The following SLC35F3 variants were observed in gnomAD, a reference collection of about 807,000 sequenced individuals.
SLC35F3 encodes putative thiamine transporter SLC35F3.
Under a neutral mutation model 49.9 loss-of-function variants are expected in SLC35F3, and 25 were observed. The ratio of observed to expected loss-of-function variants is 0.50; its 90% CI spans 0.37 to 0.70. The LOEUF is 0.70. Ranked by LOEUF, SLC35F3 falls within the 30% of genes least tolerant of loss-of-function variation. The pLI, the probability that SLC35F3 is intolerant of heterozygous loss-of-function variation, is 0.00. For synonymous variants in SLC35F3, 275 were observed against 265.4 expected (o/e 1.04, Z -0.35); for missense variants, 525 against 639.8 (o/e 0.82, Z 1.94).
chr1:234,009,919 A>T (rs1326416639), intron 2 of SLC35F3, among the ~76,000 whole-genome samples: 1 of 152,234 alleles, frequency 6.6e-6, no homozygotes, highest in Admixed American at 6.5e-5. Context: ...TCCCCAGACA[A>T]ACAAAAGCCA....
intron 2 of SLC35F3, among the ~76,000 whole-genome samples, chr1:234,066,828 TCC>T (rs1491536120): frequency 1.1e-3 from 113 of 99,154 alleles, no homozygotes; most frequent in African/African-American, 4.9e-3. Context: ...TCCCTCTCTC[TCC>T]CACACACACA....
At chr1:234,111,261 C>G (rs181179181) in intron 2 of SLC35F3, among the ~76,000 whole-genome samples, 46 of 152,056 alleles carry the variant, frequency 3.0e-4, no homozygotes, top group African/African-American at 1.1e-3. Context: ...ACTTGTTTGA[C>G]TTTGCTGGTG....
At chr1:234,045,273 C>T (rs1664272779) in intron 2 of SLC35F3, among the ~76,000 whole-genome samples, 1 of 152,112 alleles carries the variant, frequency 6.6e-6, no homozygotes, top group Non-Finnish European at 1.5e-5. Flanking sequence ...GAAGTTTTCA[C>T]AAATAGAATC....
chr1:233,923,489 A>G (rs1662102556), intron 2 of SLC35F3, among the ~76,000 whole-genome samples: 1 of 152,160 alleles, frequency 6.6e-6, no homozygotes, highest in East Asian at 1.9e-4. Flanking sequence ...ATTTTTGCAC[A>G]TTGATTTTGT....
chr1:234,307,356 C>A (rs1657224834), intron 3 of SLC35F3, among the ~76,000 whole-genome samples: 1 of 152,168 alleles, frequency 6.6e-6, no homozygotes, highest in Non-Finnish European at 1.5e-5. Context: ...CCAAACTGCA[C>A]CAGACTCCAC....
intron 2 of SLC35F3, among the ~76,000 whole-genome samples, chr1:233,986,128 G>C (rs1275255324): frequency 6.6e-6 from 1 of 152,154 alleles, no homozygotes; most frequent in African/African-American, 2.4e-5. Context: ...AAATCATGTA[G>C]AGTGCTTCAA....
At chr1:234,260,704 C>T (rs1029577781) in intron 3 of SLC35F3, among the ~76,000 whole-genome samples, 6 of 152,140 alleles carry the variant, frequency 3.9e-5, no homozygotes, top group East Asian at 1.9e-4. Context: ...GGATAACAAA[C>T]GATCTTAATG....
At chr1:234,268,288 A>G (rs1668034517) in intron 3 of SLC35F3, among the ~76,000 whole-genome samples, 1 of 152,048 alleles carries the variant, frequency 6.6e-6, no homozygotes, top group Non-Finnish European at 1.5e-5. Context: ...CCCCGTCTCC[A>G]CCAAAAAAAA....
At chr1:234,126,093 G>C (rs17512304) in intron 2 of SLC35F3, among the ~76,000 whole-genome samples, 1 of 152,090 alleles carries the variant, frequency 6.6e-6, no homozygotes, top group African/African-American at 2.4e-5. Flanking sequence ...ATGACTGGCT[G>C]TGTGAAAAAG....
At chr1:234,111,560 T>A (rs528721975) in intron 2 of SLC35F3, among the ~76,000 whole-genome samples, 2 of 152,310 alleles carry the variant, frequency 1.3e-5, no homozygotes, top group South Asian at 4.1e-4. Flanking sequence ...CCCAAAGTGC[T>A]CGGATTACAG....
chr1:233,998,394 A>G (rs1417274384), intron 2 of SLC35F3, among the ~76,000 whole-genome samples: 3 of 151,794 alleles, frequency 2.0e-5, no homozygotes, highest in Non-Finnish European at 2.9e-5. Flanking sequence ...GGCAAAAATC[A>G]TGTCGGATTT....
At chr1:234,146,986 A>G (rs1223439827) in intron 2 of SLC35F3, among the ~76,000 whole-genome samples, 2 of 152,192 alleles carry the variant, frequency 1.3e-5, no homozygotes, top group Non-Finnish European at 2.9e-5. Context: ...TTATAGGTTC[A>G]AAGATATTGG....
At chr1:233,928,887 G>A (rs531639582) in intron 2 of SLC35F3, among the ~76,000 whole-genome samples, 15 of 152,176 alleles carry the variant, frequency 9.9e-5, no homozygotes, top group African/African-American at 2.9e-4. Context: ...ACCTTATTAT[G>A]TATTGAAACA....
At chr1:234,267,516 C>T (rs1668007809) in intron 3 of SLC35F3, among the ~76,000 whole-genome samples, 1 of 149,262 alleles carries the variant, frequency 6.7e-6, no homozygotes, top group Non-Finnish European at 1.5e-5. Context: ...GGCTGACCCC[C>T]CCACCTCCCT....
At chr1:234,279,685 C>G (rs1315588801) in intron 3 of SLC35F3, among the ~76,000 whole-genome samples, 1 of 152,168 alleles carries the variant, frequency 6.6e-6, no homozygotes, top group Non-Finnish European at 1.5e-5. Flanking sequence ...TGGGAAATAC[C>G]AGGCTGCCTG....
At chr1:234,015,525 T>C (rs1396767853) in intron 2 of SLC35F3, among the ~76,000 whole-genome samples, 3 of 152,062 alleles carry the variant, frequency 2.0e-5, no homozygotes, top group Non-Finnish European at 4.4e-5. Context: ...GTCAATTGAT[T>C]TTCAACAAAG....
At chr1:234,026,928 T>A (rs1485741247) in intron 2 of SLC35F3, 1 of 152,452 alleles carries the variant, frequency 6.6e-6, no homozygotes, top group Non-Finnish European at 1.5e-5. Context: ...TGGAAAGTAG[T>A]GGTGCCACAC....
At chr1:234,089,403 C>T (rs747332115) in intron 2 of SLC35F3, among the ~76,000 whole-genome samples, 8 of 152,120 alleles carry the variant, frequency 5.3e-5, no homozygotes, top group Non-Finnish European at 1.0e-4. Flanking sequence ...GCAGCATGTG[C>T]CAAGCACAGG....
intron 3 of SLC35F3, among the ~76,000 whole-genome samples, chr1:234,288,112 C>T (rs556552181): frequency 4.0e-5 from 6 of 151,836 alleles, no homozygotes; most frequent in Non-Finnish European, 2.9e-5. Flanking sequence ...GTCTTAAACT[C>T]CTGGCTTCAA....
Sources: gnomAD v4.1 joint callset for allele counts (sites outside exome capture counted in the v4.1 genomes callset) on GRCh38, gnomAD v4.1.1 for gene constraint, MANE v1.5 for transcripts, NCBI Gene and HGNC (gene_info 2026-07-23, HGNC 2026-07-21) for gene names.